Variants in ENOX2 observed in about 807,000 individuals in gnomAD.
ENOX2 encodes APK1 antigen.
ENOX2 carries 36 observed loss-of-function variants against 45.0 expected under a neutral mutation model. The observed-to-expected ratio is 0.80, with a 90% CI of 0.61 to 1.06. The LOEUF (loss-of-function observed/expected upper bound fraction) is 1.06. Ranked by LOEUF, ENOX2 falls within the 50% of genes least tolerant of loss-of-function variation. The pLI is 0.00. For synonymous variants in ENOX2, 174 were observed against 152.3 expected (o/e 1.14, Z -1.05); for missense variants, 423 against 462.5 (o/e 0.91, Z 0.78).
intron 3 of ENOX2, among the ~76,000 whole-genome samples, chrX:130,747,508 T>G (rs944822531): frequency 1.8e-5 from 2 of 112,265 alleles, no homozygotes; most frequent in African/African-American, 6.5e-5. Flanking sequence ...CCCAAGTACC[T>G]CCTGGTTTCA....
Position 130,625,432 on chromosome X carries a change from T to C in ENOX2, c.1628A>G (p.Asp543Gly). 7.4e-6 allele frequency: 9 copies of C among 1,209,194 alleles called. No individual in the cohort carries two copies. The highest frequency in any genetic ancestry group is 8.9e-6 in the Non-Finnish European group (8 of 894,169). Residue 543 changes from aspartate to glycine, a missense_variant, in exon 15 of 15, where the codon GAT (aspartate) becomes GGT (glycine). Around this residue, in one of 5 missense-constraint regions of ENOX2, gnomAD observed 34 missense variants for 31.3 expected, o/e 1.09. Coordinates refer to ENST00000394363, the MANE Select transcript of ENOX2 (RefSeq NM_006375.4). ...HRLDNKICTS[D>G]VECLMGRLQH... ...GAGTCTACCCATGAGACACTCCACA[T>C]CGCTGGTGCAGATCTGTGGGACAGA...
intron 2 of ENOX2, among the ~76,000 whole-genome samples, chrX:130,857,317 C>T (rs1274119212): frequency 8.9e-6 from 1 of 112,179 alleles, no homozygotes; most frequent in African/African-American, 3.2e-5. Context: ...TGGAGATTGA[C>T]TGGAAACAGT....
intron 3 of ENOX2, among the ~76,000 whole-genome samples, chrX:130,723,397 T>C (rs867774736): frequency 5.3e-5 from 6 of 112,345 alleles, no homozygotes; most frequent in Non-Finnish European, 1.1e-4. Context: ...TTAGGCAATA[T>C]AGTAATGTAG....
chrX:130,744,319 A>G (rs1275565929), intron 3 of ENOX2, among the ~76,000 whole-genome samples: 1 of 112,297 alleles, frequency 8.9e-6, no homozygotes, highest in Non-Finnish European at 1.9e-5. Context: ...AACATTAAAT[A>G]TTACGAGCTG....
chrX:130,708,363 CTG>C (rs1311985928), intron 3 of ENOX2, among the ~76,000 whole-genome samples: 2 of 111,760 alleles, frequency 1.8e-5, no homozygotes, highest in Non-Finnish European at 3.8e-5. Flanking sequence ...CTAGAATACA[CTG>C]TATGAATAAT....
At chrX:130,835,193 G>A (rs1205433841) in intron 2 of ENOX2, among the ~76,000 whole-genome samples, 1 of 111,417 alleles carries the variant, frequency 9.0e-6, no homozygotes, top group Admixed American at 9.5e-5. Context: ...TCTCATCCTG[G>A]GGAGGGGAGG....
chrX:130,847,214 A>ATAAG (rs2078124504), intron 2 of ENOX2, among the ~76,000 whole-genome samples: 1 of 110,292 alleles, frequency 9.1e-6, no homozygotes, highest in African/African-American at 3.3e-5. Flanking sequence ...CATTGGTCAG[A>ATAAG]TATACTTAAG....
intron 7 of ENOX2, 29 bp downstream of exon 7, chrX:130,669,936 T>C (rs775197040): frequency 2.9e-6 from 3 of 1,041,690 alleles, no homozygotes; most frequent in Non-Finnish European, 4.0e-6. Flanking sequence ...AGAGTTCTTT[T>C]AATCATGAAG....
At chrX:130,635,155 C>G in intron 11 of ENOX2, 64 bp from the exon 12 acceptor site, 1 of 667,636 alleles carries the variant, frequency 1.5e-6, no homozygotes, top group East Asian at 3.5e-5. Flanking sequence ...TTTAAAATCT[C>G]TGGCTGAAAT....
At chrX:130,670,921 A>G (rs1401020542) in intron 6 of ENOX2, among the ~76,000 whole-genome samples, 2 of 111,505 alleles carry the variant, frequency 1.8e-5, no homozygotes, top group Non-Finnish European at 3.8e-5. Flanking sequence ...AAAAGTGGGG[A>G]AAAAACTAAG....
intron 10 of ENOX2, among the ~76,000 whole-genome samples, chrX:130,649,043 C>CAAAAAAAAAAAAAAAAAAAAAA (rs35154919): frequency 1.5e-4 from 1 of 6,799 alleles, no homozygotes; most frequent in African/African-American, 3.1e-4. Context: ...GACTCCATAT[C>CAAAAAAAAAAAAAAAAAAAAAA]AAAAAAAAAA....
intron 2 of ENOX2, among the ~76,000 whole-genome samples, chrX:130,796,281 T>C (rs934322484): frequency 1.8e-5 from 2 of 111,651 alleles, no homozygotes; most frequent in South Asian, 3.8e-4. Context: ...GAGTCTGAGA[T>C]GACTCCATGA....
intron 2 of ENOX2, among the ~76,000 whole-genome samples, chrX:130,790,240 C>A (rs749677594): frequency 8.9e-6 from 1 of 112,285 alleles, no homozygotes; most frequent in South Asian, 3.7e-4. Context: ...TGGTGGTAGA[C>A]AAACTTTCAG....
chrX:130,632,421 A>ATATTG (rs1247219481), intron 12 of ENOX2, among the ~76,000 whole-genome samples: 1 of 104,093 alleles, frequency 9.6e-6, no homozygotes, highest in African/African-American at 3.5e-5. Context: ...CAGCAGTCAA[A>ATATTG]CTGAAAAATA....
intron 10 of ENOX2, among the ~76,000 whole-genome samples, chrX:130,653,087 C>T (rs1248680397): frequency 1.8e-5 from 2 of 111,780 alleles, no homozygotes; most frequent in Non-Finnish European, 3.8e-5. Flanking sequence ...TGGCTTTTTC[C>T]TTTTCTTAAT....
intron 3 of ENOX2, among the ~76,000 whole-genome samples, chrX:130,714,116 G>GA (rs964484081): frequency 3.6e-5 from 4 of 111,103 alleles, no homozygotes; most frequent in Admixed American, 9.5e-5. Context: ...TCTCTTGGAG[G>GA]AAAAAAAACC....
At chrX:130,834,484 A>T (rs2077893967) in intron 2 of ENOX2, among the ~76,000 whole-genome samples, 1 of 110,334 alleles carries the variant, frequency 9.1e-6, no homozygotes, top group African/African-American at 3.3e-5. Flanking sequence ...TTTTTCAACC[A>T]TGTTGAGAAA....
chrX:130,786,252 C>T (rs1032677174), intron 2 of ENOX2, among the ~76,000 whole-genome samples: 6 of 112,129 alleles, frequency 5.4e-5, no homozygotes, highest in African/African-American at 1.6e-4. Flanking sequence ...CTGATTATAT[C>T]AACATTACTT....
intron 4 of ENOX2, among the ~76,000 whole-genome samples, chrX:130,692,825 A>T (rs1030080555): frequency 3.7e-5 from 4 of 109,003 alleles, no homozygotes; most frequent in African/African-American, 1.3e-4. Context: ...TCTGACCTCA[A>T]GTGATCCACT....
Sources: gnomAD v4.1 joint callset for allele counts (sites outside exome capture counted in the v4.1 genomes callset) on GRCh38, gnomAD v4.1.1 for gene constraint, gnomAD v4.1.1 regional missense constraint, MANE v1.5 for transcripts, NCBI Gene and HGNC (gene_info 2026-07-23, HGNC 2026-07-21) for gene names.